AP2A2: variants seen among roughly 807,000 people sequenced by gnomAD.
AP2A2 encodes the protein AP-2 complex subunit alpha-2.
In AP2A2, 32 loss-of-function variants were observed where a neutral mutation model predicts 104.2. The ratio of observed to expected loss-of-function variants is 0.31; its 90% CI spans 0.23 to 0.41. The LOEUF (loss-of-function observed/expected upper bound fraction) is 0.41. AP2A2 is among the 10% of genes least tolerant of loss of function. The probability of loss-of-function intolerance (pLI) is 1.00; values close to 1 mark genes in which losing one functional copy is unlikely to be tolerated. For missense variants in AP2A2, 912 were observed against 1,261.0 expected (o/e 0.72, Z 4.19); for synonymous variants, 539 against 533.3 (o/e 1.01, Z -0.15).
At chr11:940,211 C>T (rs926990783) in intron 1 of AP2A2, among the ~76,000 whole-genome samples, 1 of 152,132 alleles carries the variant, frequency 6.6e-6, no homozygotes, top group African/African-American at 2.4e-5. Flanking sequence ...GCCTTGGCCT[C>T]CCAAAGTGCT....
At chr11:994,389 T>A in intron 14 of AP2A2, 144 bp downstream of exon 14, 1 of 1,064,412 alleles carries the variant, frequency 9.4e-7, no homozygotes, top group Non-Finnish European at 1.3e-6. Context: ...CGCTGTCCTG[T>A]CCTGGGGGCC....
intron 4 of AP2A2, among the ~76,000 whole-genome samples, chr11:976,542 G>A (rs1383606200): frequency 6.6e-6 from 1 of 152,114 alleles, no homozygotes; most frequent in Non-Finnish European, 1.5e-5. Flanking sequence ...CATGGAACAC[G>A]TCTGTGCCCT....
rs907317799 is a variant in AP2A2, at chr11:925,955, C to T, written c.-67C>T. 4 of 1,271,382 alleles carry T rather than the reference C, an allele frequency of 3.1e-6. No individual in the cohort carries two copies. The highest frequency in any genetic ancestry group is 3.1e-5 in the African/African-American group (2 of 63,572). The allele number at this position is 1,271,382 out of a possible 1,614,324, so 78.8% of individuals were successfully genotyped here. A position where few individuals can be genotyped will look rare whatever the true frequency, so the allele number is the denominator to read the frequency against. On this transcript the variant is annotated 5_prime_UTR_variant, in exon 1 of 22. Transcript: ENST00000448903. ...GCGGCGGTGACGGCGACCGCACTCC[C>T]CGCTTCCCGCTCCCCGCGCTCCTCC... is the stretch of plus-strand genomic sequence containing the variant.
chr11:969,220 C>CTTTTTTTTTTTTTTTTTTTTTTT, intron 2 of AP2A2, among the ~76,000 whole-genome samples: 1 of 48,040 alleles, frequency 2.1e-5, no homozygotes, highest in Non-Finnish European at 4.3e-5. Flanking sequence ...TAGAACAGCC[C>CTTTTTTTTTTTTTTTTTTTTTTT]TTTTTTTTTT....
intron 2 of AP2A2, among the ~76,000 whole-genome samples, chr11:969,219 CCTTTTTTTTTTTT>C (rs1854733723): frequency 8.9e-6 from 1 of 112,840 alleles, no homozygotes; most frequent in African/African-American, 3.3e-5. Flanking sequence ...GTAGAACAGC[CCTTTTTTTTTTTT>C]TTTTTTTTTT....
intron 1 of AP2A2, among the ~76,000 whole-genome samples, chr11:951,999 G>C (rs1227255080): frequency 6.6e-6 from 1 of 152,002 alleles, no homozygotes; most frequent in Non-Finnish European, 1.5e-5. Context: ...CTCCCTAGTA[G>C]CTGGGACCAC....
At chr11:1,006,695 G>T in intron 17 of AP2A2, 78 bp downstream of exon 17, 1 of 1,167,886 alleles carries the variant, frequency 8.6e-7, no homozygotes, top group Non-Finnish European at 1.2e-6. Flanking sequence ...GAAGTTTTTT[G>T]GTTTTCTTAT....
At chr11:1,008,346 A>G in intron 18 of AP2A2, 1 of 668,084 alleles carries the variant, frequency 1.5e-6, no homozygotes, top group South Asian at 2.4e-5. Flanking sequence ...CCGGGACGGC[A>G]GGTGGCAGCT....
chr11:953,556 C>G (rs956416880), intron 1 of AP2A2, among the ~76,000 whole-genome samples: 3 of 151,984 alleles, frequency 2.0e-5, no homozygotes, highest in Admixed American at 6.5e-5. Flanking sequence ...CCCCCCCCCC[C>G]CATTGTCTTC....
chr11:971,415 C>T (rs1055299968), intron 3 of AP2A2, among the ~76,000 whole-genome samples: 11 of 152,148 alleles, frequency 7.2e-5, no homozygotes, highest in African/African-American at 2.7e-4. Flanking sequence ...GGAGCTCCCT[C>T]GTGGCGTCTT....
intron 1 of AP2A2, among the ~76,000 whole-genome samples, chr11:953,210 T>G (rs11246354): frequency 0.48 from 72,843 of 152,078 alleles, 18,378 homozygotes; most frequent in Middle Eastern, 0.65. Flanking sequence ...AGTCGCCCAG[T>G]CTGGAGTGCA....
Position 969,219 on chromosome 11 carries a change from C to CT in AP2A2, c.137-950_137-949insT, listed in dbSNP as rs1564799363. Reference sequence around the variant, plus strand: ...GAAACTCCTGGCAATGTAGAACAGCCCTTTTTTTTTTTTTTTTTTTTTTTT... The same window carrying CT: ...GAAACTCCTGGCAATGTAGAACAGCCTCTTTTTTTTTTTTTTTTTTTTTTTT... On this transcript the variant is annotated intron_variant, in intron 2 of 21. Transcript: ENST00000448903. 1.8e-3 allele frequency among the ~76,000 whole-genome samples: 200 copies of CT among 112,830 alleles called. 3 individuals carry two copies. Among genetic ancestry groups the CT allele is most frequent in the Middle Eastern group, 5.5e-3 (1 of 182 alleles). The allele number at this position is 112,830 out of a possible 152,430, so 74.0% of individuals were successfully genotyped here.
At chr11:997,825 A>C (rs1855902416) in intron 14 of AP2A2, among the ~76,000 whole-genome samples, 1 of 152,196 alleles carries the variant, frequency 6.6e-6, no homozygotes, top group African/African-American at 2.4e-5. Context: ...GAATTGCTTG[A>C]ACCCAGAAGG....
intron 16 of AP2A2, 76 bp from the exon 17 acceptor site, chr11:1,006,452 C>A: frequency 1.0e-6 from 1 of 996,054 alleles, no homozygotes. Flanking sequence ...TTGTGGGGGG[C>A]TCTTGTTTTT....
intron 18 of AP2A2, chr11:1,008,819 C>T (rs1363441712): frequency 2.0e-6 from 1 of 505,264 alleles, no homozygotes. Flanking sequence ...AAACATCACA[C>T]TATTTGCACA....
intron 1 of AP2A2, chr11:956,903 A>G (rs1854256178): frequency 6.6e-6 from 1 of 152,212 alleles, no homozygotes; most frequent in African/African-American, 2.4e-5. Context: ...GTTTCTCCCC[A>G]TCGGCAAACA....
intron 10 of AP2A2, 94 bp downstream of exon 10, chr11:988,783 C>CT: frequency 6.7e-7 from 1 of 1,488,304 alleles, no homozygotes; most frequent in Non-Finnish European, 9.2e-7. Flanking sequence ...TCCAGCAGGA[C>CT]TTGATTGAGA....
rs1195922265 is a variant in AP2A2, at chr11:981,290, G to T, written c.696G>T (p.Arg232Ser). Residue 232 changes from arginine (R) to serine (S), a missense_variant, in exon 6 of 22, where the codon AGG becomes AGT. Physicochemically the swap from Arg to Ser is moderately radical, Grantham distance 110. This residue lies in a region of AP2A2 where 350 missense variants were observed against 487.0 expected (regional missense o/e 0.72). Coordinates refer to ENST00000448903, the MANE Select transcript of AP2A2 (RefSeq NM_012305.4). ...CCTCCGTGTCTCTGGCTGTCTCTAG[G>T]CTAAGCAGAGTAAGTCTGTTCGTGG... Reference protein sequence around the residue: ...FKTSVSLAVSRLSRIVTSAST... With the variant: ...FKTSVSLAVSSLSRIVTSAST... The T allele has an allele frequency of 6.2e-7, 1 of 1,611,468 alleles. No individual in the cohort carries two copies. The highest frequency in any genetic ancestry group is 8.5e-7 in the Non-Finnish European group (1 of 1,178,154).
Position 928,666 on chromosome 11 carries a change from C to T in AP2A2, c.67+2578C>T, listed in dbSNP as rs1014595552. On this transcript the variant is annotated intron_variant, in intron 1 of 21. Coordinates refer to ENST00000448903, the MANE Select transcript of AP2A2 (RefSeq NM_012305.4). ...AATGTGCCCTTAGGGCAAAGTTGTC[C>T]GCCGTCGAGAACCACTAGTGTATCC... Among the ~76,000 whole-genome samples the T allele has an allele frequency of 4.6e-5, 7 of 152,344 alleles. No homozygotes were observed. The South Asian group carries it at 1.0e-3, about 23-fold the overall frequency.
Sources: gnomAD v4.1 joint callset for allele counts (sites outside exome capture counted in the v4.1 genomes callset) on GRCh38, gnomAD v4.1.1 for gene constraint, gnomAD v4.1.1 regional missense constraint, MANE v1.5 for transcripts, NCBI Gene and HGNC (gene_info 2026-07-23, HGNC 2026-07-21) for gene names.